NEAT1: variants seen among roughly 807,000 people sequenced by gnomAD.
NEAT1 encodes MENepsilon/beta.
At chr11:65,439,297 C>T (rs1164488192) in exon 1 of NEAT1, 1 of 152,148 alleles carries the variant, frequency 6.6e-6, no homozygotes, top group African/African-American at 2.4e-5. Context: ...TTATCAGATA[C>T]ATGGTTTGCA....
At chr11:65,436,615 C>T (rs1296432729) in exon 1 of NEAT1, 3 of 152,228 alleles carry the variant, frequency 2.0e-5, no homozygotes, top group Non-Finnish European at 4.4e-5. Flanking sequence ...GGCGTGGGTA[C>T]ACCACACAGC....
At chr11:65,444,785 C>T (rs1856751550) in exon 1 of NEAT1, 6 of 274,904 alleles carry the variant, frequency 2.2e-5, no homozygotes, top group South Asian at 1.9e-4. Flanking sequence ...CTGGTGGGGC[C>T]CTGTGCTTCC....
At chr11:65,444,450 C>T in exon 1 of NEAT1, 1 of 472,332 alleles carries the variant, frequency 2.1e-6, no homozygotes, top group South Asian at 1.5e-5. Context: ...CCTCTCTGAG[C>T]CTCTGCTTCC....
exon 1 of NEAT1, chr11:65,429,389 C>T (rs531127123): frequency 2.0e-5 from 3 of 152,292 alleles, no homozygotes; most frequent in African/African-American, 4.8e-5. Flanking sequence ...TTTGCTCCTC[C>T]GACGGATCGA....
chr11:65,429,451 A>G (rs1223793492), exon 1 of NEAT1: 1 of 151,520 alleles, frequency 6.6e-6, no homozygotes, highest in East Asian at 1.9e-4. Context: ...GTGACTGAAC[A>G]TCTCTACCTT....
chr11:65,437,358 T>C (rs1856671370), exon 1 of NEAT1: 6 of 151,664 alleles, frequency 4.0e-5, no homozygotes, highest in Admixed American at 3.9e-4. Context: ...CTAACTCTTT[T>C]TATTTTTATT....
exon 1 of NEAT1, chr11:65,425,202 GACAA>G (rs886466190): frequency 3.9e-5 from 6 of 152,186 alleles, no homozygotes; most frequent in African/African-American, 1.4e-4. Flanking sequence ...AGTGCAAACA[GACAA>G]ACTAACAAAC....
exon 1 of NEAT1, chr11:65,431,324 T>C (rs1856612021): frequency 6.6e-6 from 1 of 152,194 alleles, no homozygotes; most frequent in Non-Finnish European, 1.5e-5. Flanking sequence ...TAAATAATGG[T>C]GCTATGTACA....
At chr11:65,428,092 G>T (rs1565630148) in exon 1 of NEAT1, 1 of 152,198 alleles carries the variant, frequency 6.6e-6, no homozygotes. Context: ...GGTGTTGATG[G>T]CAGTGCCAGC....
At chr11:65,445,455 TC>T (rs1856758071) in exon 1 of NEAT1, 1 of 152,276 alleles carries the variant, frequency 6.6e-6, no homozygotes, top group Non-Finnish European at 1.5e-5. Context: ...CGCAGGTGTT[TC>T]TTTTACTGAG....
At chr11:65,424,055 G>A (rs893517452) in exon 1 of NEAT1, 1 of 152,394 alleles carries the variant, frequency 6.6e-6, no homozygotes, top group Non-Finnish European at 1.5e-5. Flanking sequence ...CTGGAGGAGA[G>A]AGCCCGCCTC....
exon 1 of NEAT1, chr11:65,436,193 A>G (rs143872167): frequency 6.6e-6 from 1 of 152,342 alleles, no homozygotes; most frequent in Non-Finnish European, 1.5e-5. Context: ...GCGAGGCACC[A>G]CCCGGCTTGG....
At chr11:65,440,963 T>C (rs919692204) in exon 1 of NEAT1, 1 of 151,372 alleles carries the variant, frequency 6.6e-6, no homozygotes, top group Non-Finnish European at 1.5e-5. Flanking sequence ...AGAGACATAG[T>C]CGGGGTCAGT....
At chr11:65,429,786 G>C (rs1856598304) in exon 1 of NEAT1, 1 of 152,002 alleles carries the variant, frequency 6.6e-6, no homozygotes, top group South Asian at 2.1e-4. Context: ...TATGGAACTT[G>C]TATGGTTTCG....
At chr11:65,441,252 C>G (rs1418041943) in exon 1 of NEAT1, 3 of 152,198 alleles carry the variant, frequency 2.0e-5, no homozygotes, top group Non-Finnish European at 4.4e-5. Context: ...CTGCAGGCTG[C>G]ATGGCACGGA....
exon 1 of NEAT1, chr11:65,432,147 G>A (rs1565632037): frequency 6.6e-6 from 1 of 152,156 alleles, no homozygotes; most frequent in African/African-American, 2.4e-5. Context: ...TGTCTTTTTA[G>A]TATAATGATT....
rs1294693117 is a variant in NEAT1 at position 65,432,261 on chromosome 11, C to T, written n.9464C>T. 2.6e-5 allele frequency: 4 copies of T among 152,240 alleles called. No homozygotes were observed. In the East Asian group the frequency reaches 5.8e-4, roughly 22 times the overall value. 9.4% of individuals were successfully genotyped at this position (152,240 alleles called of 1,614,324 possible). ...TCTCTCTGCATTTTTCCTCTTTGAC[C>T]ACTAACCATGTGAAATTCTCATATT... is the stretch of plus-strand genomic sequence containing the variant. On this transcript the variant is annotated non_coding_transcript_exon_variant, in exon 1 of 1. Coordinates refer to ENST00000501122, the Ensembl canonical transcript of NEAT1.
exon 1 of NEAT1, chr11:65,424,048 G>C (rs1339635031): frequency 6.6e-6 from 1 of 152,438 alleles, no homozygotes; most frequent in Non-Finnish European, 1.5e-5. Flanking sequence ...GGAGACCCTG[G>C]AGGAGAGAGC....
exon 1 of NEAT1, chr11:65,426,395 T>G (rs1421146478): frequency 6.6e-6 from 1 of 152,156 alleles, no homozygotes; most frequent in African/African-American, 2.4e-5. Context: ...ATTGAAACTG[T>G]AAAAGTAGAT....
Sources: gnomAD v4.1 joint callset for allele counts on GRCh38, gnomAD v4.1.1 for gene constraint, MANE v1.5 for transcripts, NCBI Gene and HGNC (gene_info 2026-07-23, HGNC 2026-07-21) for gene names.